MTR: variants seen among roughly 807,000 people sequenced by gnomAD.
The protein encoded by MTR is 5-methyltetrahydrofolate-homocysteine methyltransferase, also known as methionine synthase.
MTR carries 84 observed loss-of-function variants against 154.8 expected under a neutral mutation model. That is an observed-to-expected ratio of 0.54 (90% CI 0.45 to 0.65). The LOEUF is 0.65. Among genes scored for constraint, MTR ranks in the 30% least tolerant of loss-of-function variants. MTR has a pLI of 0.00. For synonymous variants in MTR, 554 were observed against 553.9 expected, an observed-to-expected ratio of 1.00 and a Z score of 0.00; for missense variants, 1,275 against 1,570.2, an observed-to-expected ratio of 0.81 and a Z score of 3.18.
Position 236,895,453 on chromosome 1 carries a change from G to A in MTR, c.3501G>A (p.Arg1167=). The A allele has an allele frequency of 6.2e-7, 1 of 1,600,762 alleles. No homozygotes were observed. Among genetic ancestry groups the A allele is most frequent in the Non-Finnish European group, 8.5e-7 (1 of 1,173,384 alleles). ...ACGTCGCAGACCTGCGCAGGCTGCG[G>A]TACAAGGGCATCCGCCCGGCTCCTG... ...QLDVADLRRL[R]YKGIRPAPGY... is the part of the protein sequence containing the mutation. The change falls in exon 31 of 33, where the codon CGG becomes CGA. Residue 1167 remains arginine (R), a synonymous_variant. Transcript: ENST00000366577.
At chr1:236,875,452 A>G (rs944401890) in intron 24 of MTR, among the ~76,000 whole-genome samples, 3 of 152,200 alleles carry the variant, frequency 2.0e-5, no homozygotes, top group Admixed American at 6.5e-5. Flanking sequence ...TATTCAGTTT[A>G]CCAGATTTTT....
intron 24 of MTR, among the ~76,000 whole-genome samples, chr1:236,877,903 G>A (rs981224189): frequency 3.4e-4 from 52 of 152,196 alleles, no homozygotes; most frequent in African/African-American, 1.2e-3. Flanking sequence ...TGTCATGGGT[G>A]TAGTAATACC....
intron 18 of MTR, among the ~76,000 whole-genome samples, chr1:236,859,285 C>T (rs769929898): frequency 3.3e-5 from 5 of 152,204 alleles, no homozygotes; most frequent in African/African-American, 1.2e-4. Context: ...AACATTAATC[C>T]AGCCGTCATA....
chr1:236,804,402 A>G (rs575787307), intron 2 of MTR, among the ~76,000 whole-genome samples: 1 of 152,210 alleles, frequency 6.6e-6, no homozygotes, highest in South Asian at 2.1e-4. Flanking sequence ...AAATTCTAAG[A>G]TACAATTATC....
At chr1:236,874,900 G>A (rs1423095053) in intron 24 of MTR, 54 bp downstream of exon 24, 2 of 1,587,826 alleles carry the variant, frequency 1.3e-6, no homozygotes, top group Non-Finnish European at 1.7e-6. Flanking sequence ...ATATGCCAGT[G>A]TTTGAAACAG....
chr1:236,903,454 A>G lies in MTR; in HGVS notation c.*5810A>G, dbSNP rs938138524. The G allele has an allele frequency of 4.0e-5, 6 of 151,320 alleles. No individual in the cohort carries two copies. The highest frequency in any genetic ancestry group is 1.2e-4 in the African/African-American group (5 of 40,650). The allele number at this position is 151,320 out of a possible 1,614,324, so 9.4% of individuals were successfully genotyped here. On this transcript the variant is annotated 3_prime_UTR_variant, in exon 33 of 33. Coordinates refer to ENST00000366577, the MANE Select transcript of MTR (RefSeq NM_000254.3). The stretch of plus-strand genomic sequence containing the variant: ...ATTCCATTTACACTGCATTCTTCAA[A>G]TGTAATTTTCAAAGATGCCTTTTGC...
chr1:236,866,813 C>G (rs1200640313), intron 22 of MTR, among the ~76,000 whole-genome samples: 1 of 152,216 alleles, frequency 6.6e-6, no homozygotes, highest in Non-Finnish European at 1.5e-5. Flanking sequence ...GCCAGAGTCT[C>G]ACCCAGAGCA....
Position 236,825,368 on chromosome 1 carries a change from A to T in MTR, c.896A>T (p.Glu299Val). 1 of 1,613,888 alleles carries T rather than the reference A, an allele frequency of 6.2e-7. No individual in the cohort carries two copies. The highest frequency in any genetic ancestry group is 8.5e-7 in the Non-Finnish European group (1 of 1,179,816). Residue 299 changes from glutamate (E) to valine (V), a missense_variant, in exon 10 of 33, where the codon GAA (glutamate) becomes GTA (valine). Transcript: ENST00000366577. The part of the protein sequence containing the change: ...GLPNTFGDYD[E>V]TPSMMAKHLK... ...CCCAACACCTTTGGTGACTATGATG[A>T]AACGCCTTCTATGATGGCCAAGCAC...
At chr1:236,840,909 A>G (rs1663192483) in intron 15 of MTR, among the ~76,000 whole-genome samples, 1 of 152,192 alleles carries the variant, frequency 6.6e-6, no homozygotes, top group Non-Finnish European at 1.5e-5. Context: ...AAGAGTGTAC[A>G]CATTTACTAT....
Position 236,853,088 on chromosome 1 carries a change from G to A in MTR, c.1953G>A (p.Gln651=), listed in dbSNP as rs755016395. The change falls in exon 18 of 33, where the codon CAG becomes CAA. Residue 651 remains glutamine, a splice_region_variant and synonymous_variant. Transcript: ENST00000366577. ...EATEKLLRYA[Q]TQGTGGKKVI... ...CTGAGAAGCTCTTACGTTATGCCCA[G>A]GTAGAGAGACAAGTGTTCTAATAGA... is the stretch of plus-strand genomic sequence containing the variant. 6.2e-7 allele frequency: 1 copy of A among 1,613,856 alleles called. No individual in the cohort carries two copies. Among genetic ancestry groups the A allele is most frequent in the Admixed American group, 1.7e-5 (1 of 59,998 alleles).
chr1:236,845,331 A>T (rs1172891200), intron 15 of MTR, among the ~76,000 whole-genome samples: 1 of 152,256 alleles, frequency 6.6e-6, no homozygotes, highest in African/African-American at 2.4e-5. Flanking sequence ...AAAGATATAC[A>T]AATTAGAGCA....
At chr1:236,882,380 A>G (rs1187168239) in intron 25 of MTR, among the ~76,000 whole-genome samples, 1 of 136,618 alleles carries the variant, frequency 7.3e-6, no homozygotes, top group Non-Finnish European at 1.5e-5. Context: ...TGGAGGACAA[A>G]CCCCTTCACC....
rs2103165791 is a variant in MTR, at chr1:236,838,411, C to G, written c.1330-3C>G. ...TGTGATTTTCTTGCCTTTCTGATCTCAGGTACCTTTGTGCATCGACTCCTC... is the reference window on the plus strand; with the variant it reads ...TGTGATTTTCTTGCCTTTCTGATCTGAGGTACCTTTGTGCATCGACTCCTC... On this transcript the variant is annotated splice_region_variant and splice_polypyrimidine_tract_variant and intron_variant, in intron 14 of 32. Coordinates refer to ENST00000366577, the MANE Select transcript of MTR (RefSeq NM_000254.3). 6.2e-6 allele frequency: 10 copies of G among 1,614,084 alleles called. No individual in the cohort carries two copies. The highest frequency in any genetic ancestry group is 8.5e-6 in the Non-Finnish European group (10 of 1,179,980).
chr1:236,869,287 T>G (rs548558421), intron 22 of MTR, among the ~76,000 whole-genome samples: 1 of 152,368 alleles, frequency 6.6e-6, no homozygotes, highest in Non-Finnish European at 1.5e-5. Context: ...GCTAAAACAT[T>G]CAGTGCAACT....
chr1:236,815,975 T>C (rs1661569559), intron 7 of MTR, among the ~76,000 whole-genome samples: 1 of 152,200 alleles, frequency 6.6e-6, no homozygotes, highest in African/African-American at 2.4e-5. Context: ...TGGACTTGCA[T>C]GCTGATGGCC....
intron 28 of MTR, among the ~76,000 whole-genome samples, chr1:236,890,784 ATG>A (rs1666274869): frequency 6.6e-6 from 1 of 152,146 alleles, no homozygotes; most frequent in Admixed American, 6.5e-5. Context: ...GTGGAGTTGT[ATG>A]TGCACGAGGA....
intron 2 of MTR, among the ~76,000 whole-genome samples, chr1:236,804,192 T>C (rs2103015915): frequency 6.6e-6 from 1 of 152,320 alleles, no homozygotes; most frequent in South Asian, 2.1e-4. Flanking sequence ...CTCATATTTG[T>C]GCTTATAAGG....
intron 18 of MTR, among the ~76,000 whole-genome samples, chr1:236,853,803 G>T (rs966052007): frequency 6.6e-6 from 1 of 152,170 alleles, no homozygotes; most frequent in Admixed American, 6.5e-5. Context: ...CATTTGATGT[G>T]TAAAAAATGA....
Position 236,824,186 on chromosome 1 carries a change from A to G in MTR, c.832A>G (p.Thr278Ala), listed in dbSNP as rs748295087. 8 of 1,613,966 alleles carry G rather than the reference A, an allele frequency of 5.0e-6. No homozygotes were observed. Among genetic ancestry groups the G allele is most frequent in the Admixed American group, 3.3e-5 (2 of 60,002 alleles). ...RPFIEIIGKC[T>A]TAYVLCYPNA... ...TTTTATTGAAATAATTGGAAAATGT[A>G]CAACAGCCTATGTCCTCTGTTATCC... Residue 278 changes from threonine (T) to alanine (A), a missense_variant, in exon 9 of 33, where the codon ACA becomes GCA. Physicochemically the swap from Thr to Ala is moderately conservative, Grantham distance 58 (BLOSUM62 0). Transcript: ENST00000366577.
Sources: allele counts gnomAD v4.1 joint callset (sites outside exome capture counted in the v4.1 genomes callset), GRCh38; gene constraint gnomAD v4.1.1; transcripts MANE v1.5; gene names NCBI Gene and HGNC (gene_info 2026-07-23, HGNC 2026-07-21).